Variants in CAV1 observed in about 807,000 individuals in gnomAD.
The protein encoded by CAV1 is caveolin 1, also known as caveolin-1.
CAV1 carries 10 observed loss-of-function variants against 16.5 expected under a neutral mutation model. The ratio of observed to expected loss-of-function variants is 0.61; its 90% CI spans 0.37 to 1.03. The LOEUF (loss-of-function observed/expected upper bound fraction) is 1.03, where lower values mean the gene tolerates loss of function less well. CAV1 is among the 50% of genes least tolerant of loss of function. CAV1 has a pLI of 0.01. For synonymous variants in CAV1, 76 were observed against 85.1 expected, an observed-to-expected ratio of 0.89 and a Z score of 0.59; for missense variants, 212 against 232.8, an observed-to-expected ratio of 0.91 and a Z score of 0.58.
chr7:116,525,866 C>CT, intron 1 of CAV1: 5 of 987,132 alleles, frequency 5.1e-6, no homozygotes, highest in Non-Finnish European at 6.0e-6. Context: ...AAAATGGGGA[C>CT]TTTCGGGATT....
At position 116,560,170 on chromosome 7, in the gene CAV1, A is replaced by G; in HGVS notation, c.*883A>G. The stretch of plus-strand genomic sequence containing the variant: ...TGACACTAGCCCAATGAAATGAATT[A>G]AAGTGGACCAATAGGGCTGAGCTCT... On this transcript the variant is annotated 3_prime_UTR_variant, in exon 3 of 3. Transcript: ENST00000341049. The G allele has an allele frequency of 4.3e-6, 1 of 232,448 alleles. No individual in the cohort carries two copies. Among genetic ancestry groups the G allele is most frequent in the Non-Finnish European group, 8.3e-6 (1 of 120,480 alleles). The allele number at this position is 232,448 out of a possible 1,614,324, so 14.4% of individuals were successfully genotyped here.
At chr7:116,555,520 G>GAAAGAAAGAAAGAAAGAAAGAA (rs1448156661) in intron 2 of CAV1, among the ~76,000 whole-genome samples, 1 of 8,972 alleles carries the variant, frequency 1.1e-4, no homozygotes, top group African/African-American at 3.3e-4. Context: ...AAGAAAGAAA[G>GAAAGAAAGAAAGAAAGAAAGAA]AGAGAGAGAG....
At chr7:116,555,698 C>G (rs1794282348) in intron 2 of CAV1, among the ~76,000 whole-genome samples, 1 of 149,514 alleles carries the variant, frequency 6.7e-6, no homozygotes, top group South Asian at 2.1e-4. Context: ...AAGACCTAGT[C>G]ACCAAAAGCA....
intron 1 of CAV1, chr7:116,526,311 G>GTGTC: frequency 7.1e-7 from 1 of 1,409,386 alleles, no homozygotes; most frequent in South Asian, 1.4e-5. Context: ...GAGGGGTGTG[G>GTGTC]TGTCCTCTGC....
At chr7:116,557,730 A>C (rs572673176) in intron 2 of CAV1, among the ~76,000 whole-genome samples, 1 of 151,384 alleles carries the variant, frequency 6.6e-6, no homozygotes, top group African/African-American at 2.4e-5. Context: ...TCTTTTTTTT[A>C]TGACCACCTT....
chr7:116,559,341 G>A lies in CAV1; in HGVS notation c.*54G>A. On this transcript the variant is annotated 3_prime_UTR_variant, in exon 3 of 3. Coordinates refer to ENST00000341049, the MANE Select transcript of CAV1 (RefSeq NM_001753.5). ...GATTTTTTTTCCTTTTAATTTTCCT[G>A]GTGCCAATTTCAAGTTCCAAGTTGC... 1 of 1,372,326 alleles carries A rather than the reference G, an allele frequency of 7.3e-7. No homozygotes were observed. 85.0% of individuals were successfully genotyped at this position (1,372,326 alleles called of 1,614,324 possible).
chr7:116,559,517 C>A lies in CAV1; in HGVS notation c.*230C>A, dbSNP rs1416660986. 5.0e-6 allele frequency: 3 copies of A among 600,376 alleles called. No homozygotes were observed. The highest frequency in any genetic ancestry group is 2.1e-5 in the South Asian group (1 of 47,602). 37.2% of individuals were successfully genotyped at this position (600,376 alleles called of 1,614,324 possible). ...AAACCCATTTAAATTTTTTTCCTTA[C>A]CTTTTTATTTGCATGTGGATCAACC... is the stretch of plus-strand genomic sequence containing the variant. On this transcript the variant is annotated 3_prime_UTR_variant, in exon 3 of 3. Coordinates refer to ENST00000341049, the MANE Select transcript of CAV1 (RefSeq NM_001753.5).
At chr7:116,555,603 AGAGAAAGAAAGAAAGAAG>A (rs1562838721) in intron 2 of CAV1, among the ~76,000 whole-genome samples, 2 of 88,254 alleles carry the variant, frequency 2.3e-5, no homozygotes, top group African/African-American at 9.6e-5. Flanking sequence ...AAAGAAAGAA[AGAGAAAGAAAGAAAGAAG>A]GGAGGGAGGG....
Position 116,559,298 on chromosome 7 carries a change from A to T in CAV1, c.*11A>T, listed in dbSNP as rs767326115. On this transcript the variant is annotated 3_prime_UTR_variant, in exon 3 of 3. Coordinates refer to ENST00000341049, the MANE Select transcript of CAV1 (RefSeq NM_001753.5). ...CAGAAAGAAATATAAATGACATTTC[A>T]AGGATAGAAGTATACCTGATTTTTT... The T allele has an allele frequency of 1.2e-4, 191 of 1,599,614 alleles. No homozygotes were observed. Among genetic ancestry groups the T allele is most frequent in the Non-Finnish European group, 1.6e-4 (182 of 1,167,272 alleles).
intron 2 of CAV1, among the ~76,000 whole-genome samples, chr7:116,558,012 G>A (rs2116109575): frequency 6.6e-6 from 1 of 152,144 alleles, no homozygotes; most frequent in East Asian, 1.9e-4. Flanking sequence ...TGTTCCTGGG[G>A]CTTTGACACA....
Position 116,526,515 on chromosome 7 carries a change from C to T in CAV1, c.31-10C>T, listed in dbSNP as rs1287913595. On this transcript the variant is annotated splice_polypyrimidine_tract_variant and intron_variant, in intron 1 of 2. Coordinates refer to ENST00000341049, the MANE Select transcript of CAV1 (RefSeq NM_001753.5). ...CCCCGTCCTGGCCGTCCGCCCTCCG[C>T]CCTCTGCAGGGACATCTCTACACCG... The T allele has an allele frequency of 6.2e-7, 1 of 1,613,862 alleles. No individual in the cohort carries two copies. The highest frequency in any genetic ancestry group is 8.5e-7 in the Non-Finnish European group (1 of 1,180,020).
At position 116,541,059 on chromosome 7, in the gene CAV1, A is replaced by G. The variant is rs1793926483; in HGVS notation, c.195+14370A>G. ...GTCTGTCAATTGTTCCAGAAAATTA[A>G]GCATCTAAATAATTTAATGATAATT... On this transcript the variant is annotated intron_variant, in intron 2 of 2. Transcript: ENST00000341049. Among the ~76,000 whole-genome samples, 10 of 152,344 alleles carry G rather than the reference A, an allele frequency of 6.6e-5. No individual in the cohort carries two copies. The South Asian group carries it at 2.1e-3, about 32-fold the overall frequency.
At chr7:116,558,085 T>C (rs1333514505) in intron 2 of CAV1, among the ~76,000 whole-genome samples, 1 of 152,100 alleles carries the variant, frequency 6.6e-6, no homozygotes, top group East Asian at 1.9e-4. Flanking sequence ...TGCTCAAATC[T>C]CCCACCTCAT....
rs542866700 is a variant in CAV1, at chr7:116,557,584, G to C, written c.196-1362G>C. 2.0e-5 allele frequency among the ~76,000 whole-genome samples: 3 copies of C among 152,264 alleles called. No individual in the cohort carries two copies. The East Asian group carries it at 5.8e-4, about 29-fold the overall frequency. On this transcript the variant is annotated intron_variant, in intron 2 of 2. Transcript: ENST00000341049. ...GGGATAAAACTTCCTGTAATTAATT[G>C]TTTGGGTGAACATGTACCTGGGAGA...
At chr7:116,545,845 A>T (rs948072177) in intron 2 of CAV1, among the ~76,000 whole-genome samples, 4 of 152,250 alleles carry the variant, frequency 2.6e-5, no homozygotes, top group African/African-American at 7.2e-5. Context: ...TGACATGCCC[A>T]GAAGGTTGAA....
intron 2 of CAV1, among the ~76,000 whole-genome samples, chr7:116,558,698 A>T (rs1413715524): frequency 6.6e-6 from 1 of 151,974 alleles, no homozygotes; most frequent in East Asian, 1.9e-4. Context: ...AGCTGCAGTG[A>T]GCCATGATCA....
At chr7:116,528,718 A>G (rs182002143) in intron 2 of CAV1, among the ~76,000 whole-genome samples, 30 of 152,346 alleles carry the variant, frequency 2.0e-4, no homozygotes, top group African/African-American at 7.2e-4. Flanking sequence ...AAGCACAAAC[A>G]AAATAACAGA....
At position 116,546,702 on chromosome 7, in the gene CAV1, A is replaced by AAAAAAATAAAAAAAAT. The variant is rs1554356434; in HGVS notation, c.196-12238_196-12237insTAAAAAAAATAAAAAA. 3.3e-3 allele frequency among the ~76,000 whole-genome samples: 473 copies of AAAAAAATAAAAAAAAT among 143,052 alleles called. 18 individuals are homozygous for AAAAAAATAAAAAAAAT. The highest frequency in any genetic ancestry group is 0.011 in the African/African-American group (416 of 37,924). The allele number at this position is 143,052 out of a possible 152,430, so 93.8% of individuals were successfully genotyped here. A position where few individuals can be genotyped will look rare whatever the true frequency, so the allele number is the denominator to read the frequency against. On this transcript the variant is annotated intron_variant, in intron 2 of 2. Coordinates refer to ENST00000341049, the MANE Select transcript of CAV1 (RefSeq NM_001753.5). ...ACAAGAATGAGACTCTGTCACAAAA[A>AAAAAAATAAAAAAAAT]AAAAAAAAAAAAGTCTGCAGGCTGC...
At chr7:116,530,147 ATAC>A (rs1793655136) in intron 2 of CAV1, among the ~76,000 whole-genome samples, 1 of 152,082 alleles carries the variant, frequency 6.6e-6, no homozygotes, top group South Asian at 2.1e-4. Context: ...TTTTTAAAAA[ATAC>A]ATACATACAA....
Sources: allele counts gnomAD v4.1 joint callset (sites outside exome capture counted in the v4.1 genomes callset), GRCh38; gene constraint gnomAD v4.1.1; transcripts MANE v1.5; gene names NCBI Gene and HGNC (gene_info 2026-07-23, HGNC 2026-07-21).